The following NEBL variants were observed in gnomAD, a reference collection of about 807,000 sequenced individuals.
NEBL encodes nebulette, also known as LIM and SH3 protein 2.
NEBL carries 122 observed loss-of-function variants against 140.2 expected under a neutral mutation model. The observed-to-expected ratio is 0.87, with a 90% CI of 0.75 to 1.01. NEBL has a LOEUF of 1.01. Among genes scored for constraint, NEBL ranks in the 50% least tolerant of loss-of-function variants. The pLI is 0.00. For synonymous variants in NEBL, 436 were observed against 398.9 expected, an observed-to-expected ratio of 1.09 and a Z score of -1.11; for missense variants, 1,365 against 1,231.3, an observed-to-expected ratio of 1.11 and a Z score of -1.62.
At chr10:20,816,254 A>T (rs532741452) in intron 21 of NEBL, among the ~76,000 whole-genome samples, 7 of 152,354 alleles carry the variant, frequency 4.6e-5, no homozygotes, top group Non-Finnish European at 8.8e-5. Flanking sequence ...ACCATCCGTA[A>T]AGCTGTAATA....
intron 4 of NEBL, among the ~76,000 whole-genome samples, chr10:20,920,236 G>C (rs1019325145): frequency 1.4e-4 from 21 of 152,286 alleles, no homozygotes; most frequent in African/African-American, 4.8e-4. Context: ...GGAGAATTTG[G>C]CAATATCTAG....
chr10:20,968,173 T>C (rs377529626), intron 3 of NEBL, among the ~76,000 whole-genome samples: 30 of 151,914 alleles, frequency 2.0e-4, no homozygotes, highest in African/African-American at 5.6e-4. Flanking sequence ...AAAAATTGCA[T>C]TGAGAGAGTG....
At chr10:21,150,305 G>A (rs1043465352) in intron 2 of NEBL, among the ~76,000 whole-genome samples, 12 of 152,208 alleles carry the variant, frequency 7.9e-5, no homozygotes, top group African/African-American at 2.9e-4. Context: ...TCAACTTTCT[G>A]ACAAATTCTG....
At chr10:20,818,275 A>G (rs1838938083) in intron 20 of NEBL, among the ~76,000 whole-genome samples, 1 of 120,870 alleles carries the variant, frequency 8.3e-6, no homozygotes, top group African/African-American at 3.2e-5. Flanking sequence ...ATATGTTCCA[A>G]TCTCAGCTCT....
intron 2 of NEBL, among the ~76,000 whole-genome samples, chr10:21,155,665 C>G (rs1014205515): frequency 1.3e-5 from 2 of 152,192 alleles, no homozygotes; most frequent in African/African-American, 4.8e-5. Flanking sequence ...CACTGGTAAT[C>G]ACTGCATTGC....
rs566164558 is a variant in NEBL, at chr10:21,129,715, T to TA, written c.164+42667dup. On this transcript the variant is annotated intron_variant, in intron 2 of 6. Transcript: ENST00000417816. ...ATATTGCAAACCTCAGGGCAACCAC[T>TA]AAAAAAAAAATACTTTAAAAAGCAG... Among the ~76,000 whole-genome samples the TA allele has an allele frequency of 4.6e-3, 661 of 145,264 alleles. 15 individuals are homozygous for TA. The East Asian group carries it at 0.063, about 14-fold the overall frequency.
rs193063864 is a variant in NEBL, at chr10:21,082,088, G to A, written c.165-61887C>T. Among the ~76,000 whole-genome samples the A allele has an allele frequency of 6.4e-3, 971 of 152,074 alleles. 3 individuals are homozygous for A. The highest frequency in any genetic ancestry group is 0.01 in the Non-Finnish European group (684 of 67,990). ...CTTTCATGAAATCCCTGCCAACCATGCCTAACCTGAATATAACCATGAAGA... is the reference window on the plus strand; with the variant it reads ...CTTTCATGAAATCCCTGCCAACCATACCTAACCTGAATATAACCATGAAGA... On this transcript the variant is annotated intron_variant, in intron 2 of 6. Coordinates refer to the NEBL transcript ENST00000417816.
At chr10:21,278,325 T>C (rs1389124228) in intron 1 of NEBL, among the ~76,000 whole-genome samples, 1 of 152,060 alleles carries the variant, frequency 6.6e-6, no homozygotes, top group Non-Finnish European at 1.5e-5. Context: ...GCACCTATCA[T>C]CCCAGCTACT....
At chr10:20,804,614 A>G (rs1837437312) in intron 26 of NEBL, 1 of 152,210 alleles carries the variant, frequency 6.6e-6, no homozygotes, top group Non-Finnish European at 1.5e-5. Context: ...AGCTAAGCAA[A>G]TATCTGGGGT....
intron 26 of NEBL, among the ~76,000 whole-genome samples, chr10:20,794,558 T>C (rs1452233190): frequency 2.6e-5 from 4 of 152,178 alleles, no homozygotes; most frequent in African/African-American, 9.7e-5. Flanking sequence ...AAGTGTACAG[T>C]TGTTTGACAT....
chr10:21,189,646 TC>T (rs1281838407), intron 3 of NEBL, among the ~76,000 whole-genome samples: 5 of 142,302 alleles, frequency 3.5e-5, no homozygotes, highest in African/African-American at 1.4e-4. Flanking sequence ...TTTGTATTTT[TC>T]AGTAGAGACG....
chr10:21,198,211 T>C (rs1841682422), intron 3 of NEBL, among the ~76,000 whole-genome samples: 1 of 152,196 alleles, frequency 6.6e-6, no homozygotes, highest in Non-Finnish European at 1.5e-5. Context: ...CCTAAATCCT[T>C]CAGCCTGCTA....
intron 2 of NEBL, among the ~76,000 whole-genome samples, chr10:21,032,046 A>G (rs1447274707): frequency 6.6e-6 from 1 of 152,240 alleles, no homozygotes; most frequent in African/African-American, 2.4e-5. Flanking sequence ...TGGTATAAGA[A>G]GCTATTAATA....
At chr10:21,250,191 T>C (rs1478514758) in intron 2 of NEBL, among the ~76,000 whole-genome samples, 4 of 152,180 alleles carry the variant, frequency 2.6e-5, no homozygotes, top group Non-Finnish European at 4.4e-5. Context: ...CAAAGGAGAT[T>C]AATGTTTGAG....
In NEBL at chr10:20,828,646, A is replaced by G. The variant is rs1197738750; in HGVS notation, c.1672-12T>C. 1 of 1,493,096 alleles carries G rather than the reference A, an allele frequency of 6.7e-7. No homozygotes were observed. The highest frequency in any genetic ancestry group is 9.3e-7 in the Non-Finnish European group (1 of 1,072,632). 92.5% of individuals were successfully genotyped at this position (1,493,096 alleles called of 1,614,324 possible). A position where few individuals can be genotyped will look rare whatever the true frequency, so the allele number is the denominator to read the frequency against. ...TCTTTATACTTTCTCTAAAAACATA[A>G]ACAGTTAATATAAATCTGAAACTAT... On this transcript the variant is annotated splice_polypyrimidine_tract_variant and intron_variant, in intron 16 of 27. Coordinates refer to ENST00000377122, the MANE Select transcript of NEBL (RefSeq NM_006393.3).
intron 3 of NEBL, among the ~76,000 whole-genome samples, chr10:20,992,721 C>T (rs1307110188): frequency 2.0e-5 from 3 of 150,732 alleles, no homozygotes; most frequent in Non-Finnish European, 2.9e-5. Flanking sequence ...TTACTTTCTC[C>T]GTAGGCCAAC....
chr10:20,815,636 T>G lies in NEBL; in HGVS notation c.2230A>C (p.Asn744His), dbSNP rs2130804609. 6.2e-7 allele frequency: 1 copy of G among 1,608,854 alleles called. No individual in the cohort carries two copies. Among genetic ancestry groups the G allele is most frequent in the Non-Finnish European group, 8.5e-7 (1 of 1,175,350 alleles). Residue 744 changes from asparagine to histidine, a missense_variant, in exon 22 of 28, where the codon AAT (asparagine) becomes CAT (histidine). Physicochemically the swap from Asn to His is moderately conservative, Grantham distance 68 (BLOSUM62 1). Transcript: ENST00000377122. ...AGAAAACCACTTGCCGAGCTAATAT[T>G]TTCTTGATTCTTCTTCACTCTTTCC... The part of the protein sequence containing the change: ...EMERVKKNQE[N>H]ISSVKYTQDH...
chr10:20,899,197 C>G (rs1341186459), upstream of NEBL, among the ~76,000 whole-genome samples: 3 of 152,160 alleles, frequency 2.0e-5, no homozygotes, highest in African/African-American at 7.2e-5. Flanking sequence ...TTCTATAGAT[C>G]TATTACATTA....
intron 3 of NEBL, among the ~76,000 whole-genome samples, chr10:21,220,419 T>C (rs1842051791): frequency 6.6e-6 from 1 of 152,124 alleles, no homozygotes; most frequent in South Asian, 2.1e-4. Context: ...TGACAATAAA[T>C]GGTGTTAAGG....
Sources: gnomAD v4.1 joint callset for allele counts (sites outside exome capture counted in the v4.1 genomes callset) on GRCh38, gnomAD v4.1.1 for gene constraint, MANE v1.5 for transcripts, NCBI Gene and HGNC (gene_info 2026-07-23, HGNC 2026-07-21) for gene names.